C8A: variants seen among roughly 807,000 people sequenced by gnomAD.
C8A encodes the protein complement component C8 alpha chain.
Under a neutral mutation model 65.3 loss-of-function variants are expected in C8A, and 67 were observed. That is an observed-to-expected ratio of 1.03 (90% CI 0.84 to 1.26). The LOEUF is 1.26. Ranked by LOEUF, C8A falls within the 50% of genes most tolerant of loss-of-function variation. The pLI, the probability that C8A is intolerant of heterozygous loss-of-function variation, is 0.00. For synonymous variants in C8A, 290 were observed against 259.4 expected, an observed-to-expected ratio of 1.12 and a Z score of -1.13; for missense variants, 781 against 723.9, an observed-to-expected ratio of 1.08 and a Z score of -0.90.
intron 4 of C8A, among the ~76,000 whole-genome samples, chr1:56,876,884 C>T (rs1644203570): frequency 6.6e-6 from 1 of 152,176 alleles, no homozygotes; most frequent in Non-Finnish European, 1.5e-5. Flanking sequence ...AACTCCTCAT[C>T]TAATGTTCTG....
At chr1:56,892,277 A>T (rs1278772699) in intron 7 of C8A, among the ~76,000 whole-genome samples, 1 of 152,062 alleles carries the variant, frequency 6.6e-6, no homozygotes, top group Non-Finnish European at 1.5e-5. Flanking sequence ...TACTTGACAT[A>T]GAGAGGTGGA....
intron 1 of C8A, among the ~76,000 whole-genome samples, chr1:56,865,161 A>G (rs191659284): frequency 2.6e-5 from 4 of 152,246 alleles, no homozygotes; most frequent in Non-Finnish European, 1.5e-5. Flanking sequence ...ATCATTGAGT[A>G]TACACTGAGT....
chr1:56,869,882 C>T (rs866785031), intron 2 of C8A, among the ~76,000 whole-genome samples: 5 of 152,114 alleles, frequency 3.3e-5, no homozygotes, highest in Admixed American at 1.3e-4. Context: ...GCCTCCAGAC[C>T]CACCACTCAG....
intron 2 of C8A, among the ~76,000 whole-genome samples, chr1:56,868,669 T>C (rs1241592229): frequency 2.0e-5 from 3 of 152,132 alleles, no homozygotes; most frequent in Admixed American, 6.6e-5. Flanking sequence ...GTCTGTTTTA[T>C]TATTGTTTTA....
In C8A at chr1:56,917,612, T is replaced by C. The variant is rs1390978770; in HGVS notation, c.1651T>C (p.Cys551Arg). The C allele has an allele frequency of 6.2e-7, 1 of 1,614,144 alleles. No individual in the cohort carries two copies. Among genetic ancestry groups the C allele is most frequent in the East Asian group, 2.2e-5 (1 of 44,872 alleles). ...GAGTTGCTGGAGCTCCTGGTCTGTA[T>C]GCAGAGCAGGCATCCAGGAAAGGAG... ...SWSCWSSWSVCRAGIQERRRE... is the reference protein window; with the variant it reads ...SWSCWSSWSVRRAGIQERRRE... The change falls in exon 11 of 11, where the codon TGC becomes CGC. Residue 551 changes from cysteine (C) to arginine (R), a missense_variant. Physicochemically the swap from Cys to Arg is radical, Grantham distance 180. Coordinates refer to ENST00000361249, the MANE Select transcript of C8A (RefSeq NM_000562.3).
intron 1 of C8A, 64 bp downstream of exon 1, chr1:56,855,042 A>G (rs566517154): frequency 1.7e-6 from 2 of 1,203,262 alleles, no homozygotes; most frequent in Admixed American, 3.5e-5. Flanking sequence ...GAACTAAGAC[A>G]CTTTTATGTT....
chr1:56,865,047 T>C (rs913152748), intron 1 of C8A, among the ~76,000 whole-genome samples: 1 of 152,104 alleles, frequency 6.6e-6, no homozygotes, highest in Non-Finnish European at 1.5e-5. Context: ...CTTAAGAAAG[T>C]CCTTCTAGAA....
At chr1:56,895,773 T>C (rs1034177308) in intron 7 of C8A, among the ~76,000 whole-genome samples, 3 of 151,994 alleles carry the variant, frequency 2.0e-5, no homozygotes, top group Non-Finnish European at 4.4e-5. Context: ...ACCATATCTC[T>C]ATAAAAATTA....
chr1:56,870,791 G>A (rs779004446), intron 2 of C8A, among the ~76,000 whole-genome samples: 3 of 151,814 alleles, frequency 2.0e-5, no homozygotes, highest in Non-Finnish European at 4.4e-5. Flanking sequence ...CGTTTTTAAA[G>A]TAACCCTTAA....
chr1:56,895,010 T>A (rs1644377958), intron 7 of C8A, among the ~76,000 whole-genome samples: 1 of 152,192 alleles, frequency 6.6e-6, no homozygotes, highest in Non-Finnish European at 1.5e-5. Flanking sequence ...GCATTCAAAT[T>A]GATCCTCATA....
intron 7 of C8A, among the ~76,000 whole-genome samples, chr1:56,902,148 T>C (rs541915611): frequency 6.6e-6 from 1 of 152,258 alleles, no homozygotes; most frequent in African/African-American, 2.4e-5. Flanking sequence ...CAGCTTGGTC[T>C]CCTGCAATGG....
At chr1:56,899,103 A>C (rs1328379997) in intron 7 of C8A, among the ~76,000 whole-genome samples, 1 of 152,110 alleles carries the variant, frequency 6.6e-6, no homozygotes, top group Admixed American at 6.5e-5. Flanking sequence ...GATGGATGGT[A>C]TTGATTGACT....
In C8A at chr1:56,860,963, G is replaced by T. The variant is rs1048035426; in HGVS notation, c.77+5985G>T. On this transcript the variant is annotated intron_variant, in intron 1 of 10. Coordinates refer to ENST00000361249, the MANE Select transcript of C8A (RefSeq NM_000562.3). The stretch of plus-strand genomic sequence containing the variant: ...TGAAGAAAAAAGTGGTTCACAGACT[G>T]CATCTTAGTCAGTTTTGTGTTGTTA... Among the ~76,000 whole-genome samples the T allele has an allele frequency of 2.0e-5, 3 of 152,182 alleles. No individual in the cohort carries two copies. The South Asian group carries it at 6.2e-4, about 32-fold the overall frequency.
chr1:56,903,853 A>AT (rs1447526923), intron 7 of C8A, among the ~76,000 whole-genome samples: 1 of 152,142 alleles, frequency 6.6e-6, no homozygotes, highest in Non-Finnish European at 1.5e-5. Context: ...AGTTACCTAT[A>AT]TTTTTCAAAA....
chr1:56,873,481 C>T (rs2101213074), intron 2 of C8A, among the ~76,000 whole-genome samples: 1 of 152,240 alleles, frequency 6.6e-6, no homozygotes. Context: ...ATCCTCATGT[C>T]CATGCTCTGT....
rs150514057 is a variant in C8A at position 56,877,332 on chromosome 1, C to T, written c.464+1123C>T. ...CCTAGGTAGTCTTTGTAACAGCCCC[C>T]TCCCCTGCTCTTGACTTTGCCTAGG... On this transcript the variant is annotated intron_variant, in intron 4 of 10. Transcript: ENST00000361249. Among the ~76,000 whole-genome samples, 728 of 152,212 alleles carry T rather than the reference C, an allele frequency of 4.8e-3. 4 individuals are homozygous for T. The highest frequency in any genetic ancestry group is 0.017 in the African/African-American group (694 of 41,536).
chr1:56,906,525 T>G, intron 7 of C8A, 142 bp from the exon 8 acceptor site: 1 of 883,662 alleles, frequency 1.1e-6, no homozygotes, highest in Non-Finnish European at 1.9e-6. Flanking sequence ...AAAACTGAAA[T>G]TGGATTAAAG....
intron 1 of C8A, among the ~76,000 whole-genome samples, chr1:56,861,370 C>T (rs927478421): frequency 3.9e-5 from 6 of 152,116 alleles, no homozygotes; most frequent in East Asian, 1.9e-4. Context: ...TGGGCACATT[C>T]GAAGAGGGAC....
In C8A at chr1:56,908,004, G is replaced by C; in HGVS notation, c.1271G>C (p.Arg424Pro). 1 of 1,614,180 alleles carries C rather than the reference G, an allele frequency of 6.2e-7. No homozygotes were observed. ...GTGGAAGACATTATTTCTCGGGTGCGAGGTGGCAGTTCTGGCTGGAGCGGT... is the reference window on the plus strand; with the variant it reads ...GTGGAAGACATTATTTCTCGGGTGCCAGGTGGCAGTTCTGGCTGGAGCGGT... ...MAVEDIISRV[R>P]GGSSGWSGGL... Residue 424 changes from arginine to proline, a missense_variant, in exon 9 of 11, where the codon CGA becomes CCA. Coordinates refer to ENST00000361249, the MANE Select transcript of C8A (RefSeq NM_000562.3).
Sources: gnomAD v4.1 joint callset for allele counts (sites outside exome capture counted in the v4.1 genomes callset) on GRCh38, gnomAD v4.1.1 for gene constraint, MANE v1.5 for transcripts, NCBI Gene and HGNC (gene_info 2026-07-23, HGNC 2026-07-21) for gene names.